SOX6: variants seen among roughly 807,000 people sequenced by gnomAD.
SOX6 encodes the protein SRY-box transcription factor 6, also known as transcription factor SOX-6.
A neutral mutation model predicts 97.8 loss-of-function variants in SOX6; 11 were observed. The observed-to-expected ratio is 0.11, with a 90% CI of 0.07 to 0.19. The LOEUF is 0.19. SOX6 is among the 10% of genes least tolerant of loss of function. SOX6 has a pLI of 1.00. For missense variants in SOX6, 810 were observed against 1,039.5 expected (o/e 0.78, Z 3.04); for synonymous variants, 360 against 371.4 (o/e 0.97, Z 0.35).
intron 2 of SOX6, among the ~76,000 whole-genome samples, chr11:16,331,391 G>C (rs769852950): frequency 6.6e-6 from 1 of 152,188 alleles, no homozygotes; most frequent in South Asian, 2.1e-4. Flanking sequence ...CTAAAGAAGA[G>C]AGTCAAGAGA....
chr11:16,055,463 G>A (rs1469186272), intron 10 of SOX6, among the ~76,000 whole-genome samples: 2 of 152,034 alleles, frequency 1.3e-5, no homozygotes, highest in African/African-American at 4.8e-5. Context: ...TAAAGTCATG[G>A]CAATTCATGC....
chr11:16,703,290 T>C (rs1276426928), intron 3 of SOX6, among the ~76,000 whole-genome samples: 1 of 152,156 alleles, frequency 6.6e-6, no homozygotes, highest in East Asian at 1.9e-4. Context: ...AACTGGTTCA[T>C]GTAAGATTCT....
At chr11:16,116,688 G>C (rs1462400901) in intron 6 of SOX6, among the ~76,000 whole-genome samples, 1 of 152,122 alleles carries the variant, frequency 6.6e-6, no homozygotes, top group Non-Finnish European at 1.5e-5. Flanking sequence ...CCTAGTGCAA[G>C]GGTCTCCAAC....
At chr11:16,478,958 G>A (rs1200926281), upstream of SOX6, among the ~76,000 whole-genome samples, 2 of 152,112 alleles carry the variant, frequency 1.3e-5, no homozygotes, top group Non-Finnish European at 2.9e-5. Flanking sequence ...ATCACCCATG[G>A]ATTGTTCCAG....
intron 1 of SOX6, among the ~76,000 whole-genome samples, chr11:16,460,487 G>C (rs995540311): frequency 6.6e-6 from 1 of 151,952 alleles, no homozygotes; most frequent in African/African-American, 2.4e-5. Context: ...GAATGACAAG[G>C]ATCCCCAACA....
rs534117802 is a variant in SOX6, at chr11:16,638,397, T to G, written n.430-26137A>C. Among the ~76,000 whole-genome samples the G allele has an allele frequency of 2.0e-5, 3 of 152,280 alleles. No individual in the cohort carries two copies. The South Asian group carries it at 6.2e-4, about 32-fold the overall frequency. The stretch of plus-strand genomic sequence containing the variant: ...GCATGTGTCTTTATAGCAGCATGAT[T>G]TATAATCCTTTGGGTATATACCAAA... On this transcript the variant is annotated intron_variant and non_coding_transcript_variant, in intron 3 of 5. Transcript: ENST00000524520.
chr11:16,140,940 G>A (rs1405239228), intron 6 of SOX6, among the ~76,000 whole-genome samples: 1 of 152,080 alleles, frequency 6.6e-6, no homozygotes, highest in Non-Finnish European at 1.5e-5. Flanking sequence ...CACACTTTGG[G>A]AGGCCAAGGC....
intron 6 of SOX6, among the ~76,000 whole-genome samples, chr11:16,162,915 A>T (rs1482598253): frequency 6.6e-6 from 1 of 152,128 alleles, no homozygotes; most frequent in Admixed American, 6.6e-5. Flanking sequence ...AAAATGAAAA[A>T]AGGGAAAGAA....
intron 1 of SOX6, among the ~76,000 whole-genome samples, chr11:16,408,463 A>G (rs12796051): frequency 1.3e-5 from 2 of 152,206 alleles, no homozygotes; most frequent in Non-Finnish European, 2.9e-5. Flanking sequence ...GCATACATAT[A>G]TCTCATCTGG....
intron 9 of SOX6, among the ~76,000 whole-genome samples, chr11:16,092,811 A>G (rs1003626465): frequency 6.6e-6 from 1 of 151,798 alleles, no homozygotes; most frequent in Admixed American, 6.6e-5. Context: ...ATTGAAAATA[A>G]CCATATAAAA....
At chr11:16,209,588 TCTA>T (rs1341499037) in intron 4 of SOX6, among the ~76,000 whole-genome samples, 1 of 152,056 alleles carries the variant, frequency 6.6e-6, no homozygotes, top group African/African-American at 2.4e-5. Flanking sequence ...AAACCCCGTC[TCTA>T]CTAAAATACA....
chr11:16,242,340 G>T (rs1173034164), intron 3 of SOX6, among the ~76,000 whole-genome samples: 1 of 151,886 alleles, frequency 6.6e-6, no homozygotes, highest in African/African-American at 2.4e-5. Context: ...ATACTATATA[G>T]CCTAGGTGTG....
chr11:16,153,088 A>G (rs967110414), intron 6 of SOX6, among the ~76,000 whole-genome samples: 2 of 151,954 alleles, frequency 1.3e-5, no homozygotes, highest in Non-Finnish European at 2.9e-5. Flanking sequence ...GGTGGTATCT[A>G]TCTCTTAACC....
intron 4 of SOX6, among the ~76,000 whole-genome samples, chr11:16,545,355 AAAAAG>A (rs1262031571): frequency 6.6e-6 from 1 of 151,840 alleles, no homozygotes; most frequent in African/African-American, 2.4e-5. Context: ...AAAAAAAAAA[AAAAAG>A]AACCCACATC....
intron 12 of SOX6, among the ~76,000 whole-genome samples, chr11:16,022,343 C>A (rs907687578): frequency 7.0e-6 from 1 of 143,190 alleles, no homozygotes; most frequent in East Asian, 2.2e-4. Context: ...TCCTTCCTTC[C>A]TTCCTTCCTT....
intron 4 of SOX6, among the ~76,000 whole-genome samples, chr11:16,573,959 T>G (rs1382563449): frequency 6.6e-6 from 1 of 152,152 alleles, no homozygotes; most frequent in Non-Finnish European, 1.5e-5. Flanking sequence ...AGAAAAATTA[T>G]AAGCTTTAGT....
intron 2 of SOX6, among the ~76,000 whole-genome samples, chr11:16,719,157 A>T (rs1848240622): frequency 6.6e-6 from 1 of 152,196 alleles, no homozygotes. Flanking sequence ...GAGTTTACTT[A>T]ACTGAGTAAT....
chr11:15,999,822 G>C (rs1854347833), intron 13 of SOX6, among the ~76,000 whole-genome samples: 1 of 152,118 alleles, frequency 6.6e-6, no homozygotes, highest in African/African-American at 2.4e-5. Context: ...TTTATTAATA[G>C]AATAGTTGAT....
At chr11:16,714,916 A>C (rs1207950160) in intron 2 of SOX6, 1 of 152,196 alleles carries the variant, frequency 6.6e-6, no homozygotes, top group Non-Finnish European at 1.5e-5. Context: ...CTGTTGGAAA[A>C]GTTTCAAAAA....
Sources: allele counts gnomAD v4.1 joint callset (sites outside exome capture counted in the v4.1 genomes callset), GRCh38; gene constraint gnomAD v4.1.1; transcripts MANE v1.5; gene names NCBI Gene and HGNC (gene_info 2026-07-23, HGNC 2026-07-21).